ARAP2: variants seen among roughly 807,000 people sequenced by gnomAD.
The protein encoded by ARAP2 is arf-GAP with Rho-GAP domain, ANK repeat and PH domain-containing protein 2.
In ARAP2, 148 loss-of-function variants were observed where a neutral mutation model predicts 194.5. That is an observed-to-expected ratio of 0.76 (90% CI 0.67 to 0.87). ARAP2 has a LOEUF of 0.87. Among genes scored for constraint, ARAP2 ranks in the 40% least tolerant of loss-of-function variants. ARAP2 has a pLI of 0.00. For missense variants in ARAP2, 2,128 were observed against 1,989.7 expected (o/e 1.07, Z -1.32); for synonymous variants, 695 against 683.5 (o/e 1.02, Z -0.26).
At chr4:36,165,781 GC>G (rs930568599) in intron 10 of ARAP2, among the ~76,000 whole-genome samples, 7 of 152,076 alleles carry the variant, frequency 4.6e-5, no homozygotes, top group African/African-American at 1.7e-4. Flanking sequence ...TATTTACTGA[GC>G]CCCTGCAATG....
At position 36,193,791 on chromosome 4, in the gene ARAP2, T is replaced by G. The variant is rs557311997; in HGVS notation, c.1488-144A>C. On this transcript the variant is annotated intron_variant, in intron 6 of 32. Transcript: ENST00000303965. ...CAATAGGCTATGATAATACACAGTT[T>G]TGGCCATGGCACATAGGAAAAAATA... 37 of 601,962 alleles carry G rather than the reference T, an allele frequency of 6.1e-5. No individual in the cohort carries two copies. The East Asian group carries it at 1.2e-3, about 19-fold the overall frequency. The allele number at this position is 601,962 out of a possible 1,614,324, so 37.3% of individuals were successfully genotyped here.
intron 6 of ARAP2, chr4:36,209,539 G>GT (rs921059784): frequency 2.9e-3 from 878 of 306,554 alleles, no homozygotes; most frequent in South Asian, 5.6e-3. Context: ...GCTTCTGGTA[G>GT]TTTTTTTTTC....
chr4:36,021,282 A>G (rs562519513), intron 5 of ARAP2, among the ~76,000 whole-genome samples: 1 of 152,328 alleles, frequency 6.6e-6, no homozygotes. Flanking sequence ...CTAAAAATAA[A>G]GCATAATTTT....
At chr4:36,197,102 C>T (rs1007484283) in intron 6 of ARAP2, among the ~76,000 whole-genome samples, 1 of 151,484 alleles carries the variant, frequency 6.6e-6, no homozygotes. Flanking sequence ...TTGAGCCTTC[C>T]TTATCTTTTT....
intron 22 of ARAP2, among the ~76,000 whole-genome samples, chr4:36,124,654 T>C (rs979150968): frequency 2.6e-5 from 4 of 151,904 alleles, no homozygotes; most frequent in Non-Finnish European, 4.4e-5. Flanking sequence ...TTCTTGCTTA[T>C]GCATCAGATG....
intron 28 of ARAP2, among the ~76,000 whole-genome samples, chr4:36,086,650 T>C (rs1711942513): frequency 6.6e-6 from 1 of 152,128 alleles, no homozygotes; most frequent in African/African-American, 2.4e-5. Flanking sequence ...TAGACTATTA[T>C]GAAGTCTGAA....
In ARAP2 at chr4:36,166,981, G is replaced by A. The variant is rs772066488; in HGVS notation, c.1924C>T (p.Arg642Ter). The A allele has an allele frequency of 9.9e-6, 16 of 1,608,342 alleles. No individual in the cohort carries two copies. Among genetic ancestry groups the A allele is most frequent in the Non-Finnish European group, 1.4e-5 (16 of 1,177,938 alleles). The change falls in exon 10 of 33, where the codon CGA becomes TGA. Residue 642 changes from arginine to a stop codon, truncating the protein, a stop_gained. Transcript: ENST00000303965. LOFTEE classifies it high-confidence loss of function. ...MNVANVKQVD[R>*]TVKQSFEIIT... ...ATTTCAAAAGATTGTTTCACAGTTCGGTCCACTTGCTTTACATTTGCTACA... is the reference window on the plus strand; with the variant it reads ...ATTTCAAAAGATTGTTTCACAGTTCAGTCCACTTGCTTTACATTTGCTACA...
In ARAP2 at chr4:36,148,482, A is replaced by G. The variant is rs750213795; in HGVS notation, c.2923T>C (p.Leu975=). ...AATAAAAACACACGTTCGGAGGGTA[A>G]GTAGATCTCAAAGATAAAGATGGGC... The part of the protein sequence containing the change: ...TGPIFIFEIY[L]PSERVFLFGA... Residue 975 remains leucine (L), a synonymous_variant, in exon 17 of 33, where the codon TTA becomes CTA. Transcript: ENST00000303965. 9 of 1,613,000 alleles carry G rather than the reference A, an allele frequency of 5.6e-6. No individual in the cohort carries two copies. In the African/African-American group the frequency reaches 1.2e-4, roughly 22 times the overall value.
intron 32 of ARAP2, among the ~76,000 whole-genome samples, chr4:36,071,466 AT>A (rs1180151490): frequency 2.6e-5 from 4 of 152,132 alleles, no homozygotes; most frequent in African/African-American, 9.6e-5. Context: ...CTCACTACTA[AT>A]TTCCCCAATT....
At chr4:36,019,327 A>G (rs1320162202) in intron 5 of ARAP2, 1 of 149,258 alleles carries the variant, frequency 6.7e-6, no homozygotes, top group East Asian at 1.9e-4. Flanking sequence ...TTCCGTTGAA[A>G]TAAACCCTTT....
chr4:36,164,037 C>T (rs1003067344), intron 11 of ARAP2, among the ~76,000 whole-genome samples: 1 of 152,182 alleles, frequency 6.6e-6, no homozygotes, highest in South Asian at 2.1e-4. Context: ...AACTCCTCTC[C>T]AGCATTCTCA....
At chr4:36,160,180 A>C in intron 13 of ARAP2, 1 of 1,066,858 alleles carries the variant, frequency 9.4e-7, no homozygotes, top group Non-Finnish European at 1.1e-6. Flanking sequence ...CAGTCCTCAG[A>C]CTTCACTTTA....
intron 32 of ARAP2, among the ~76,000 whole-genome samples, chr4:36,070,258 A>T (rs1326422480): frequency 6.6e-6 from 1 of 152,216 alleles, no homozygotes; most frequent in Non-Finnish European, 1.5e-5. Context: ...TTGCATGAAT[A>T]ATATGGTGTG....
intron 8 of ARAP2, among the ~76,000 whole-genome samples, chr4:36,013,266 C>G (rs1321918425): frequency 6.6e-6 from 1 of 152,250 alleles, no homozygotes; most frequent in East Asian, 1.9e-4. Flanking sequence ...TTCTATAGCT[C>G]TGTGTACATG....
intron 1 of ARAP2, among the ~76,000 whole-genome samples, chr4:36,058,830 T>A (rs1246012932): frequency 6.6e-6 from 1 of 152,076 alleles, no homozygotes; most frequent in Non-Finnish European, 1.5e-5. Context: ...AATATGTCAA[T>A]TATCAGGTGG....
intron 26 of ARAP2, 142 bp from the exon 27 acceptor site, chr4:36,107,835 A>G: frequency 1.4e-6 from 1 of 692,988 alleles, no homozygotes; most frequent in Non-Finnish European, 2.2e-6. Context: ...TATATTATAC[A>G]GTAATAGCAC....
At chr4:36,217,904 C>T (rs909431700) in intron 2 of ARAP2, among the ~76,000 whole-genome samples, 2 of 150,508 alleles carry the variant, frequency 1.3e-5, no homozygotes, top group African/African-American at 4.9e-5. Context: ...ACAATACCCC[C>T]TATATGAATC....
intron 26 of ARAP2, among the ~76,000 whole-genome samples, chr4:36,108,818 C>G (rs532507231): frequency 1.3e-5 from 2 of 152,024 alleles, no homozygotes; most frequent in Non-Finnish European, 2.9e-5. Flanking sequence ...TCTCAGTGCA[C>G]TGAAAATAGC....
chr4:36,171,718 T>C (rs962259117), intron 9 of ARAP2, among the ~76,000 whole-genome samples: 1 of 152,138 alleles, frequency 6.6e-6, no homozygotes. Context: ...CAGTAAGTAC[T>C]ACACAGGACT....
Sources: gnomAD v4.1 joint callset for allele counts (sites outside exome capture counted in the v4.1 genomes callset) on GRCh38, gnomAD v4.1.1 for gene constraint, MANE v1.5 for transcripts, NCBI Gene and HGNC (gene_info 2026-07-23, HGNC 2026-07-21) for gene names.